The following LSM14A variants were observed in gnomAD, a reference collection of about 807,000 sequenced individuals.
The protein encoded by LSM14A is protein LSM14 homolog A.
LSM14A carries 14 observed loss-of-function variants against 52.4 expected under a neutral mutation model. The ratio of observed to expected loss-of-function variants is 0.27; its 90% CI spans 0.18 to 0.42. The LOEUF (loss-of-function observed/expected upper bound fraction) is 0.42. LSM14A is among the 10% of genes least tolerant of loss of function. The probability of loss-of-function intolerance (pLI) is 1.00; values close to 1 mark genes in which losing one functional copy is unlikely to be tolerated. For synonymous variants in LSM14A, 185 were observed against 200.3 expected, an observed-to-expected ratio of 0.92 and a Z score of 0.64; for missense variants, 417 against 581.8, an observed-to-expected ratio of 0.72 and a Z score of 2.91.
At chr19:34,226,373 CTCTTTTTT>C in intron 9 of LSM14A, 2 of 1,282,730 alleles carry the variant, frequency 1.6e-6, no homozygotes, top group African/African-American at 1.7e-5. Context: ...CCATCTCTTT[CTCTTTTTT>C]TTTTTTTTTT....
At chr19:34,179,627 G>T (rs900494311) in intron 1 of LSM14A, among the ~76,000 whole-genome samples, 1 of 151,866 alleles carries the variant, frequency 6.6e-6, no homozygotes. Context: ...GGGTAAGTAA[G>T]GTAAGCCATG....
intron 1 of LSM14A, among the ~76,000 whole-genome samples, chr19:34,189,616 G>A (rs1024788035): frequency 1.3e-4 from 20 of 151,974 alleles, no homozygotes; most frequent in Non-Finnish European, 2.4e-4. Context: ...AAAGTACTAC[G>A]TGTTATGAAT....
At chr19:34,208,188 TCA>T (rs761574375) in intron 3 of LSM14A, 8 of 152,194 alleles carry the variant, frequency 5.3e-5, no homozygotes, top group Non-Finnish European at 1.2e-4. Context: ...TTGTAAAGAA[TCA>T]CTCTGACTAC....
intron 1 of LSM14A, among the ~76,000 whole-genome samples, chr19:34,173,181 A>G (rs933437686): frequency 6.6e-6 from 1 of 152,018 alleles, no homozygotes; most frequent in African/African-American, 2.4e-5. Flanking sequence ...CCATTTTCTC[A>G]CTTTGTTCAT....
At chr19:34,222,534 C>T (rs1445509076) in intron 9 of LSM14A, among the ~76,000 whole-genome samples, 1 of 152,116 alleles carries the variant, frequency 6.6e-6, no homozygotes, top group African/African-American at 2.4e-5. Flanking sequence ...CAGAAAGGAC[C>T]AAAATCTTGT....
chr19:34,220,467 A>AGT (rs1394231021), intron 8 of LSM14A, among the ~76,000 whole-genome samples: 1 of 152,190 alleles, frequency 6.6e-6, no homozygotes, highest in African/African-American at 2.4e-5. Context: ...CCAGAACCGA[A>AGT]GTGCTAATCT....
chr19:34,217,884 C>G (rs2072768972), intron 6 of LSM14A, among the ~76,000 whole-genome samples: 1 of 151,740 alleles, frequency 6.6e-6, no homozygotes, highest in African/African-American at 2.4e-5. Context: ...TACTATCTTT[C>G]ATTGCCCTTC....
chr19:34,190,738 T>C (rs1206701753), intron 1 of LSM14A, among the ~76,000 whole-genome samples: 1 of 152,160 alleles, frequency 6.6e-6, no homozygotes, highest in Non-Finnish European at 1.5e-5. Flanking sequence ...ACTATTTCTA[T>C]TCTAGAACCA....
rs543242184 is a variant in LSM14A at position 34,175,767 on chromosome 19, A to G, written c.121+3004A>G. ...ATGACTTGTTGAGTAATTCGATATC[A>G]GAAAATTTCACCTTCCATTTCAAAA... On this transcript the variant is annotated intron_variant, in intron 1 of 9. Coordinates refer to ENST00000544216, the MANE Select transcript of LSM14A (RefSeq NM_015578.4). Among the ~76,000 whole-genome samples the G allele has an allele frequency of 3.3e-5, 5 of 152,354 alleles. No individual in the cohort carries two copies. The South Asian group carries it at 1.0e-3, about 32-fold the overall frequency.
In LSM14A at chr19:34,228,692, T is replaced by A. The variant is rs1385954991; in HGVS notation, c.*1304T>A. ...CACTTTTGTGTTTTTATGAAGGCCATGGAATAAAAGGATCCAAAGATTTAA... is the reference window on the plus strand; with the variant it reads ...CACTTTTGTGTTTTTATGAAGGCCAAGGAATAAAAGGATCCAAAGATTTAA... On this transcript the variant is annotated 3_prime_UTR_variant, in exon 10 of 10. Transcript: ENST00000544216. 1 of 152,664 alleles carries A rather than the reference T, an allele frequency of 6.6e-6. No homozygotes were observed. The highest frequency in any genetic ancestry group is 1.5e-5 in the Non-Finnish European group (1 of 68,040). The allele number at this position is 152,664 out of a possible 1,614,324, so 9.5% of individuals were successfully genotyped here. A position where few individuals can be genotyped will look rare whatever the true frequency, so the allele number is the denominator to read the frequency against.
intron 1 of LSM14A, among the ~76,000 whole-genome samples, chr19:34,174,398 A>G (rs2068935364): frequency 2.0e-5 from 3 of 152,248 alleles, no homozygotes; most frequent in African/African-American, 7.2e-5. Context: ...AGATCATTGA[A>G]TTATACACTT....
intron 9 of LSM14A, among the ~76,000 whole-genome samples, chr19:34,224,886 A>T (rs560004179): frequency 1.3e-5 from 2 of 152,328 alleles, no homozygotes; most frequent in Admixed American, 6.5e-5. Context: ...TGGGAGACAG[A>T]CATAGCTAAA....
chr19:34,199,090 T>C (rs141092649), intron 3 of LSM14A, among the ~76,000 whole-genome samples: 156 of 152,240 alleles, frequency 1.0e-3, no homozygotes, highest in African/African-American at 3.4e-3. Flanking sequence ...CTAAGAAAAC[T>C]TGACTTTGAT....
intron 5 of LSM14A, 145 bp from the exon 6 acceptor site, chr19:34,215,451 G>A (rs763631318): frequency 4.9e-5 from 54 of 1,103,316 alleles, no homozygotes; most frequent in Non-Finnish European, 6.9e-5. Context: ...TTGACTCAAA[G>A]TGGTGGTGGT....
intron 9 of LSM14A, chr19:34,226,559 C>T: frequency 9.5e-7 from 1 of 1,048,418 alleles, no homozygotes; most frequent in Middle Eastern, 2.1e-4. Flanking sequence ...TTATGCCATA[C>T]CATATGTATT....
Position 34,186,917 on chromosome 19 carries a change from G to C in LSM14A, c.122-7561G>C, listed in dbSNP as rs76354225. Among the ~76,000 whole-genome samples, 1,108 of 152,076 alleles carry C rather than the reference G, an allele frequency of 7.3e-3. 10 individuals carry two copies. The highest frequency in any genetic ancestry group is 0.024 in the Middle Eastern group (7 of 294). On this transcript the variant is annotated intron_variant, in intron 1 of 9. Transcript: ENST00000544216. ...CTTTTTCTTTTCAGTTAACATTAGA[G>C]TCTAATTTACAATTTTTAGTTCATG...
intron 1 of LSM14A, among the ~76,000 whole-genome samples, chr19:34,185,172 TG>T (rs2069801482): frequency 6.6e-6 from 1 of 152,222 alleles, no homozygotes; most frequent in East Asian, 1.9e-4. Context: ...GCGAAGAAGT[TG>T]ATTTTGAGAA....
intron 3 of LSM14A, among the ~76,000 whole-genome samples, chr19:34,202,157 G>T (rs1356231827): frequency 1.4e-5 from 2 of 147,524 alleles, no homozygotes; most frequent in African/African-American, 2.5e-5. Flanking sequence ...CATTTGGTTG[G>T]TTGGTTTGGT....
rs1195111371 is a variant in LSM14A, at chr19:34,172,566, AGCGGGCGT to A, written c.-72_-65del. On this transcript the variant is annotated 5_prime_UTR_variant, in exon 1 of 10. Coordinates refer to ENST00000544216, the MANE Select transcript of LSM14A (RefSeq NM_015578.4). The stretch of plus-strand genomic sequence containing the variant: ...GGCTGCTGTAGGCGCCGACGGAGCG[AGCGGGCGT>A]GCGGAGCGGGCGACAGTGGCGTGGG... 3 of 1,425,044 alleles carry A rather than the reference AGCGGGCGT, an allele frequency of 2.1e-6. No individual in the cohort carries two copies. Among genetic ancestry groups the A allele is most frequent in the Non-Finnish European group, 2.8e-6 (3 of 1,086,866 alleles). 88.3% of individuals were successfully genotyped at this position (1,425,044 alleles called of 1,614,324 possible).
Sources: allele counts gnomAD v4.1 joint callset (sites outside exome capture counted in the v4.1 genomes callset), GRCh38; gene constraint gnomAD v4.1.1; transcripts MANE v1.5; gene names NCBI Gene and HGNC (gene_info 2026-07-23, HGNC 2026-07-21).